The following INF2 variants were observed in gnomAD, a reference collection of about 807,000 sequenced individuals.
INF2 encodes inverted formin 2.
Under a neutral mutation model 123.5 loss-of-function variants are expected in INF2, and 43 were observed. That is an observed-to-expected ratio of 0.35 (90% CI 0.27 to 0.45). INF2 has a LOEUF of 0.45. INF2 is among the 20% of genes least tolerant of loss of function. The pLI, the probability that INF2 is intolerant of heterozygous loss-of-function variation, is 1.00. For missense variants in INF2, 1,453 were observed against 1,682.7 expected, an observed-to-expected ratio of 0.86 and a Z score of 2.39; for synonymous variants, 851 against 745.0, an observed-to-expected ratio of 1.14 and a Z score of -2.32.
chr14:104,710,581 C>T (rs1426168656), intron 13 of INF2: 1 of 502,714 alleles, frequency 2.0e-6, no homozygotes, highest in Non-Finnish European at 3.6e-6. Context: ...CACACGTACA[C>T]ACCCCCCCAA....
upstream of INF2, chr14:104,689,542 C>T: frequency 1.2e-6 from 1 of 859,752 alleles, no homozygotes; most frequent in Non-Finnish European, 1.4e-6. Flanking sequence ...CCGGCCCGCG[C>T]TCGCTCCCCA....
At position 104,703,976 on chromosome 14, in the gene INF2, C is replaced by T. The variant is rs55981430; in HGVS notation, c.701+27C>T. 2,743 of 1,608,038 alleles carry T rather than the reference C, an allele frequency of 1.7e-3. 44 individuals are homozygous for T. The African/African-American group carries it at 0.032, about 19-fold the overall frequency. The stretch of plus-strand genomic sequence containing the variant: ...TGAGTCCCCACTGTAGCGGTCCTGC[C>T]GGCTCCCCCTCCTGCTCCCAAGGCC... On this transcript the variant is annotated intron_variant, in intron 5 of 22. Transcript: ENST00000392634.
At chr14:104,707,166 G>T in intron 7 of INF2, 87 bp from the exon 8 acceptor site, 1 of 1,510,798 alleles carries the variant, frequency 6.6e-7, no homozygotes, top group Non-Finnish European at 8.9e-7. Context: ...CAGGGGAGGT[G>T]GCCGCTTTTT....
Position 104,712,501 on chromosome 14 carries a change from A to G in INF2, c.2558A>G (p.Lys853Arg). ...AAGAAGCTTCTGGAGACCGAGCGGA[A>G]GGTGTCTGCCTCCGTGGCCGAGGTC... The part of the protein sequence containing the change: ...NLKKLLETER[K>R]VSASVAEVQE... The change falls in exon 17 of 23, where the codon AAG becomes AGG. Residue 853 changes from lysine to arginine, a missense_variant. Physicochemically the swap from Lys to Arg is conservative, Grantham distance 26. Coordinates refer to ENST00000392634, the MANE Select transcript of INF2 (RefSeq NM_022489.4). The G allele has an allele frequency of 6.2e-7, 1 of 1,612,684 alleles. No homozygotes were observed. The highest frequency in any genetic ancestry group is 8.5e-7 in the Non-Finnish European group (1 of 1,179,824).
At chr14:104,708,242 G>C in intron 8 of INF2, 194 bp from the exon 9 acceptor site, 1 of 861,860 alleles carries the variant, frequency 1.2e-6, no homozygotes. Context: ...TGCATCTGGG[G>C]TGCCATGGTG....
chr14:104,688,634 G>A (rs572486099), upstream of INF2, among the ~76,000 whole-genome samples: 17 of 152,364 alleles, frequency 1.1e-4, no homozygotes, highest in Admixed American at 1.1e-3. Flanking sequence ...CCGAGCCTGA[G>A]GCCGCACAGG....
intron 1 of INF2, among the ~76,000 whole-genome samples, chr14:104,694,565 G>A (rs73345566): frequency 0.017 from 2,602 of 152,336 alleles, 46 homozygotes; most frequent in African/African-American, 0.045. Context: ...TCAGTAAGCT[G>A]TGGGGGTGGC....
chr14:104,681,538 GA>G (rs1251629920), exon 1 of INF2: 1 of 1,288,512 alleles, frequency 7.8e-7, no homozygotes. Context: ...CACGTCTTAT[GA>G]AATTAGCACT....
At position 104,707,530 on chromosome 14, in the gene INF2, A is replaced by ACCCCCCCCCCCCCCC; in HGVS notation, c.1268_1269insCCCCCCCCCCCCCCC (p.Pro424_Pro428dup). Reference sequence around the variant, plus strand: ...CCCTGGAGCAGCAGGCGTCCACCCCACCCCCACCCCCACCCCCACCCCTGC... The same window carrying ACCCCCCCCCCCCCCC: ...CCCTGGAGCAGCAGGCGTCCACCCCACCCCCCCCCCCCCCCCCCCCACCCCCACCCCCACCCCTGC... On this transcript the variant is annotated inframe_insertion, in exon 8 of 23. Coordinates refer to ENST00000392634, the MANE Select transcript of INF2 (RefSeq NM_022489.4). The ACCCCCCCCCCCCCCC allele has an allele frequency of 3.8e-6, 2 of 529,218 alleles. No homozygotes were observed. The highest frequency in any genetic ancestry group is 5.0e-6 in the Non-Finnish European group (2 of 397,912). 32.8% of individuals were successfully genotyped at this position (529,218 alleles called of 1,614,324 possible). A position where few individuals can be genotyped will look rare whatever the true frequency, so the allele number is the denominator to read the frequency against.
At position 104,716,253 on chromosome 14, in the gene INF2, C is replaced by T. The variant is rs74958621; in HGVS notation, c.*1+913C>T. On this transcript the variant is annotated intron_variant, in intron 22 of 22. Coordinates refer to ENST00000392634, the MANE Select transcript of INF2 (RefSeq NM_022489.4). Reference sequence around the variant, plus strand: ...TGGGGCTTAGGCTCAAGGTGCACACCTGAGGTCTGCTGGTGCCCATCAGAG... The same window carrying T: ...TGGGGCTTAGGCTCAAGGTGCACACTTGAGGTCTGCTGGTGCCCATCAGAG... Among the ~76,000 whole-genome samples the T allele has an allele frequency of 2.6e-3, 390 of 152,368 alleles. 1 individual carries two copies. Among genetic ancestry groups the T allele is most frequent in the African/African-American group, 9.1e-3 (378 of 41,584 alleles).
rs772397563 is a variant in INF2, at chr14:104,708,656, T to TG, written c.1888-9dup. 6.2e-7 allele frequency: 1 copy of TG among 1,612,454 alleles called. No individual in the cohort carries two copies. The highest frequency in any genetic ancestry group is 8.5e-7 in the Non-Finnish European group (1 of 1,179,746). On this transcript the variant is annotated splice_polypyrimidine_tract_variant and intron_variant, in intron 9 of 22. Coordinates refer to ENST00000392634, the MANE Select transcript of INF2 (RefSeq NM_022489.4). ...CACCCTCCGGTACCAGCCTGTTGGGTGGGGGGTTTTCTAGATCACTTTCCT... is the reference window on the plus strand; with the variant it reads ...CACCCTCCGGTACCAGCCTGTTGGGTGGGGGGGTTTTCTAGATCACTTTCCT...
intron 6 of INF2, 35 bp from the exon 7 acceptor site, chr14:104,706,875 G>A (rs558544860): frequency 7.2e-5 from 115 of 1,597,648 alleles, no homozygotes; most frequent in African/African-American, 1.5e-4. Context: ...GGGAGGGGCC[G>A]GCTGCTGACC....
At chr14:104,709,434 G>C in intron 11 of INF2, 51 bp downstream of exon 11, 2 of 1,467,158 alleles carry the variant, frequency 1.4e-6, no homozygotes, top group South Asian at 2.3e-5. Flanking sequence ...ACCAACCAAG[G>C]GAGAGGCTGT....
chr14:104,704,837 A>G (rs1000222136), intron 5 of INF2: 4 of 152,268 alleles, frequency 2.6e-5, no homozygotes, highest in Non-Finnish European at 5.9e-5. Context: ...TGTATGGGAC[A>G]TGCAGTTCAT....
chr14:104,709,741 C>T, intron 12 of INF2, 36 bp downstream of exon 12: 1 of 1,568,396 alleles, frequency 6.4e-7, no homozygotes, highest in Non-Finnish European at 8.8e-7. Flanking sequence ...AGGGCCTGGG[C>T]CCCAGGTGGG....
chr14:104,706,070 A>C lies in INF2; in HGVS notation c.737A>C (p.Glu246Ala). 2 of 1,612,532 alleles carry C rather than the reference A, an allele frequency of 1.2e-6. No homozygotes were observed. The highest frequency in any genetic ancestry group is 1.7e-6 in the Non-Finnish European group (2 of 1,179,712). Residue 246 changes from glutamate to alanine, a missense_variant, in exon 6 of 23, where the codon GAG becomes GCG. Glu to Ala is a moderately radical substitution (Grantham distance 107, BLOSUM62 -1). Around this residue, in one of 8 missense-constraint regions of INF2, gnomAD observed 251 missense variants for 349.4 expected, o/e 0.72. Transcript: ENST00000392634. Reference protein sequence around the residue: ...LEDADLLIQLEAFEEAKAEDE... With the variant: ...LEDADLLIQLAAFEEAKAEDE... ...GATGCCGACCTGCTGATCCAGCTGG[A>C]GGCTTTCGAGGAGGCTAAGGCCGAG...
At chr14:104,693,585 G>A (rs952323539) in intron 1 of INF2, among the ~76,000 whole-genome samples, 5 of 152,232 alleles carry the variant, frequency 3.3e-5, no homozygotes, top group African/African-American at 9.6e-5. Flanking sequence ...TTCAGCTGCT[G>A]TGGGCAGAGG....
At chr14:104,716,134 CTG>C (rs1381508349) in intron 22 of INF2, 3 of 358,380 alleles carry the variant, frequency 8.4e-6, no homozygotes, top group African/African-American at 4.3e-5. Context: ...ATCATGAGCT[CTG>C]TGAGCCCAGG....
Position 104,689,723 on chromosome 14 carries a change from G to A in INF2, c.-26G>A, listed in dbSNP as rs1888844253. ...AGCGCCGGCCGCACCACCGCCCTCT[G>A]GCCGTTGCCTCACCGGGTAAGTCCT... On this transcript the variant is annotated 5_prime_UTR_variant, in exon 1 of 23. Coordinates refer to ENST00000392634, the MANE Select transcript of INF2 (RefSeq NM_022489.4). 1 of 984,952 alleles carries A rather than the reference G, an allele frequency of 1.0e-6. No homozygotes were observed. Among genetic ancestry groups the A allele is most frequent in the Non-Finnish European group, 1.2e-6 (1 of 829,864 alleles). The allele number at this position is 984,952 out of a possible 1,614,324, so 61.0% of individuals were successfully genotyped here. A position where few individuals can be genotyped will look rare whatever the true frequency, so the allele number is the denominator to read the frequency against.
Sources: gnomAD v4.1 joint callset for allele counts (sites outside exome capture counted in the v4.1 genomes callset) on GRCh38, gnomAD v4.1.1 for gene constraint, gnomAD v4.1.1 regional missense constraint, MANE v1.5 for transcripts, NCBI Gene and HGNC (gene_info 2026-07-23, HGNC 2026-07-21) for gene names.